The following MTA3 variants were observed in gnomAD, a reference collection of about 807,000 sequenced individuals.
The protein encoded by MTA3 is metastasis-associated protein MTA3.
In MTA3, 34 loss-of-function variants were observed where a neutral mutation model predicts 83.5. The ratio of observed to expected loss-of-function variants is 0.41; its 90% CI spans 0.31 to 0.54. The LOEUF is 0.54. MTA3 is among the 20% of genes least tolerant of loss of function. The probability of loss-of-function intolerance (pLI) is 0.33; values close to 1 mark genes in which losing one functional copy is unlikely to be tolerated. For synonymous variants in MTA3, 303 were observed against 252.7 expected (o/e 1.20, Z -1.89); for missense variants, 761 against 726.4 (o/e 1.05, Z -0.55).
chr2:42,753,228 C>T, intron 16 of MTA3, 146 bp from the exon 17 acceptor site: 1 of 1,431,324 alleles, frequency 7.0e-7, no homozygotes, highest in East Asian at 2.5e-5. Context: ...CACACCTGGC[C>T]TAGTCATGAG....
intron 2 of MTA3, among the ~76,000 whole-genome samples, chr2:42,545,497 TGGAA>T (rs774812805): frequency 2.0e-5 from 3 of 151,922 alleles, no homozygotes; most frequent in Non-Finnish European, 4.4e-5. Context: ...GTTTGAGGGA[TGGAA>T]GGGAGAGTGG....
At chr2:42,538,767 G>GTTTT (rs1306095679) in intron 2 of MTA3, among the ~76,000 whole-genome samples, 6 of 72,700 alleles carry the variant, frequency 8.3e-5, no homozygotes, top group East Asian at 3.9e-4. Flanking sequence ...TGTTTTTTTT[G>GTTTT]TTTTTTTTTG....
At chr2:42,595,060 T>C (rs1489745184) in intron 3 of MTA3, among the ~76,000 whole-genome samples, 1 of 138,594 alleles carries the variant, frequency 7.2e-6, no homozygotes, top group Non-Finnish European at 1.5e-5. Flanking sequence ...GCCATAGTTA[T>C]CTATTCTTAT....
At chr2:42,699,588 A>G (rs773033145) in intron 11 of MTA3, among the ~76,000 whole-genome samples, 8 of 152,216 alleles carry the variant, frequency 5.3e-5, no homozygotes, top group Non-Finnish European at 1.0e-4. Context: ...GACCTAGAGT[A>G]GTAGCTCTGG....
At chr2:42,647,518 C>T (rs1473194246) in intron 6 of MTA3, among the ~76,000 whole-genome samples, 1 of 151,564 alleles carries the variant, frequency 6.6e-6, no homozygotes, top group African/African-American at 2.4e-5. Flanking sequence ...TGTGCCATCC[C>T]CCCACCCCAC....
chr2:42,683,384 T>A (rs901232147), intron 9 of MTA3, among the ~76,000 whole-genome samples: 1 of 152,200 alleles, frequency 6.6e-6, no homozygotes. Flanking sequence ...CTTTGATTCT[T>A]CTTAATGATG....
At chr2:42,718,519 T>C in intron 14 of MTA3, among the ~76,000 whole-genome samples, 1 of 151,498 alleles carries the variant, frequency 6.6e-6, no homozygotes, top group East Asian at 2.0e-4. Context: ...GTGCTGGGAT[T>C]ACAGGCATGA....
rs1558428145 is a variant in MTA3 at position 42,548,812 on chromosome 2, T to TATATATATATATATA, written c.-140-21624_-140-21610dup. 4.8e-3 allele frequency among the ~76,000 whole-genome samples: 179 copies of TATATATATATATATA among 37,174 alleles called. 43 individuals carry two copies. Among genetic ancestry groups the TATATATATATATATA allele is most frequent in the Admixed American group, 0.027 (53 of 1,984 alleles). 24.4% of individuals were successfully genotyped at this position (37,174 alleles called of 152,430 possible). A position where few individuals can be genotyped will look rare whatever the true frequency, so the allele number is the denominator to read the frequency against. On this transcript the variant is annotated intron_variant, in intron 2 of 17. Transcript: ENST00000405592. ...AGTGAGACCCTGTCTCAAAAAAAAA[T>TATATATATATATATA]ATATATATATATATATAATATATAT...
chr2:42,609,824 C>T (rs907406069), intron 4 of MTA3, among the ~76,000 whole-genome samples: 3 of 152,126 alleles, frequency 2.0e-5, no homozygotes, highest in Non-Finnish European at 4.4e-5. Context: ...CCTGGCCAGG[C>T]GCAGTGGCTC....
intron 2 of MTA3, among the ~76,000 whole-genome samples, chr2:42,530,278 A>T (rs1675899607): frequency 6.6e-6 from 1 of 151,890 alleles, no homozygotes. Flanking sequence ...TCATGAGGTC[A>T]GGAGATTGAG....
At chr2:42,591,570 C>T (rs79674595) in intron 3 of MTA3, among the ~76,000 whole-genome samples, 57,494 of 151,994 alleles carry the variant, frequency 0.38, 11,143 homozygotes, top group Middle Eastern at 0.51. Context: ...AACACAAACA[C>T]ATTGAATGGC....
intron 6 of MTA3, among the ~76,000 whole-genome samples, chr2:42,655,295 A>G (rs1689066427): frequency 6.6e-6 from 1 of 152,158 alleles, no homozygotes; most frequent in African/African-American, 2.4e-5. Flanking sequence ...TCTCTTAGCT[A>G]TCTTCTCTCA....
chr2:42,578,031 A>G (rs947121890), intron 2 of MTA3, among the ~76,000 whole-genome samples: 4 of 152,212 alleles, frequency 2.6e-5, no homozygotes, highest in African/African-American at 9.6e-5. Flanking sequence ...ATATGATTTC[A>G]GTTTTAAGGG....
chr2:42,685,564 C>A (rs1033632388), intron 9 of MTA3, among the ~76,000 whole-genome samples: 4 of 152,216 alleles, frequency 2.6e-5, no homozygotes, highest in Admixed American at 2.6e-4. Context: ...ATCCATCTCT[C>A]TTGCCAGTGC....
chr2:42,615,109 G>A (rs1393859061), intron 4 of MTA3, among the ~76,000 whole-genome samples: 2 of 152,040 alleles, frequency 1.3e-5, no homozygotes, highest in East Asian at 3.9e-4. Context: ...TGGCCAACGT[G>A]GCGAAACCCC....
At chr2:42,508,891 T>C (rs1674770456) in intron 2 of MTA3, among the ~76,000 whole-genome samples, 1 of 147,784 alleles carries the variant, frequency 6.8e-6, no homozygotes, top group Non-Finnish European at 1.5e-5. Flanking sequence ...ATACAACATA[T>C]ATACTATACA....
intron 2 of MTA3, among the ~76,000 whole-genome samples, chr2:42,535,631 G>C (rs1296592191): frequency 6.6e-6 from 1 of 152,158 alleles, no homozygotes; most frequent in Non-Finnish European, 1.5e-5. Flanking sequence ...CTTCTAGAGA[G>C]GGTGGGAAGT....
intron 2 of MTA3, among the ~76,000 whole-genome samples, chr2:42,553,825 T>G (rs1313531306): frequency 7.0e-6 from 1 of 142,908 alleles, no homozygotes; most frequent in Non-Finnish European, 1.5e-5. Context: ...GAGCTGAGAT[T>G]GTGCCACTGC....
In MTA3 at chr2:42,600,615, C is replaced by T. The variant is rs571285052; in HGVS notation, c.191-8843C>T. 1.1e-4 allele frequency among the ~76,000 whole-genome samples: 16 copies of T among 151,964 alleles called. No individual in the cohort carries two copies. In the East Asian group the frequency reaches 2.9e-3, roughly 28 times the overall value. On this transcript the variant is annotated intron_variant, in intron 3 of 16. Transcript: ENST00000405094. ...GGAGTGCAGTGGTGTGATCTCCGCT[C>T]ACTGCAACCTCTGCCTCCTGGGTTC...
Sources: gnomAD v4.1 joint callset for allele counts (sites outside exome capture counted in the v4.1 genomes callset) on GRCh38, gnomAD v4.1.1 for gene constraint, MANE v1.5 for transcripts, NCBI Gene and HGNC (gene_info 2026-07-23, HGNC 2026-07-21) for gene names.